The following KLF8 variants were observed in gnomAD, a reference collection of about 807,000 sequenced individuals.
KLF8 encodes the protein KLF transcription factor 8, also known as Krueppel-like factor 8.
A neutral mutation model predicts 18.2 loss-of-function variants in KLF8; 10 were observed. The observed-to-expected ratio is 0.55, with a 90% CI of 0.34 to 0.93. The LOEUF is 0.93. Ranked by LOEUF, KLF8 falls within the 40% of genes least tolerant of loss-of-function variation. The pLI is 0.02. For synonymous variants in KLF8, 109 were observed against 97.3 expected, an observed-to-expected ratio of 1.12 and a Z score of -0.71; for missense variants, 264 against 277.9, an observed-to-expected ratio of 0.95 and a Z score of 0.36.
chrX:56,281,266 A>G (rs1282061875), intron 5 of KLF8, among the ~76,000 whole-genome samples: 1 of 111,388 alleles, frequency 9.0e-6, no homozygotes, highest in Non-Finnish European at 1.9e-5. Flanking sequence ...AGCTGACCCT[A>G]TATGTACCAT....
At chrX:55,942,103 A>T in the KLF8 span, among the ~76,000 whole-genome samples, 3 of 111,602 alleles carry the variant, frequency 2.7e-5, no homozygotes, top group African/African-American at 9.8e-5. Context: ...AATGGCAAAG[A>T]CTTGGAACCA....
the KLF8 span, among the ~76,000 whole-genome samples, chrX:56,197,159 A>G: frequency 1.8e-5 from 2 of 111,483 alleles, no homozygotes. Flanking sequence ...TCTAAATTTG[A>G]CACCCTAACA....
At chrX:56,047,714 C>T in the KLF8 span, among the ~76,000 whole-genome samples, 5 of 110,964 alleles carry the variant, frequency 4.5e-5, no homozygotes, top group African/African-American at 9.9e-5. Context: ...TGAATAGTGC[C>T]GCAGTAAACA....
the KLF8 span, among the ~76,000 whole-genome samples, chrX:55,931,336 A>C: frequency 7.2e-5 from 8 of 111,546 alleles, no homozygotes; most frequent in African/African-American, 2.6e-4. Flanking sequence ...GAATTCATTC[A>C]TTTTTTTGAA....
the KLF8 span, among the ~76,000 whole-genome samples, chrX:56,206,796 C>A: frequency 2.7e-5 from 3 of 112,816 alleles, no homozygotes; most frequent in African/African-American, 6.4e-5. Context: ...CCAGATGGGA[C>A]TCTGTGTGGG....
the KLF8 span, among the ~76,000 whole-genome samples, chrX:56,083,630 C>T: frequency 8.9e-6 from 1 of 111,778 alleles, no homozygotes; most frequent in Non-Finnish European, 1.9e-5. Flanking sequence ...GCAGGAGTCT[C>T]CAACTTCTGG....
the KLF8 span, among the ~76,000 whole-genome samples, chrX:56,091,294 G>A: frequency 2.4e-4 from 26 of 110,168 alleles, no homozygotes; most frequent in Non-Finnish European, 3.4e-4. Flanking sequence ...CTCACCTGCC[G>A]CCGTGTAAGA....
chrX:55,987,019 CAT>C, the KLF8 span, among the ~76,000 whole-genome samples: 1 of 110,793 alleles, frequency 9.0e-6, no homozygotes, highest in African/African-American at 3.3e-5. Context: ...CTTAGTCCAC[CAT>C]TGATGAGCAT....
the KLF8 span, among the ~76,000 whole-genome samples, chrX:56,188,231 C>A: frequency 9.0e-6 from 1 of 111,414 alleles, no homozygotes. Context: ...CAATAACAGA[C>A]AAACAGACAG....
chrX:56,040,027 G>A, the KLF8 span, among the ~76,000 whole-genome samples: 1 of 110,619 alleles, frequency 9.0e-6, no homozygotes, highest in East Asian at 2.8e-4. Flanking sequence ...CTCTCTGCTT[G>A]CCTGTTATTG....
chrX:55,944,595 C>A, the KLF8 span, among the ~76,000 whole-genome samples: 3 of 111,792 alleles, frequency 2.7e-5, no homozygotes, highest in Admixed American at 2.9e-4. Flanking sequence ...TCCATTTCTT[C>A]TAGATTTTCT....
At chrX:56,253,709 T>C (rs1324258408) in intron 2 of KLF8, among the ~76,000 whole-genome samples, 1 of 109,791 alleles carries the variant, frequency 9.1e-6, no homozygotes, top group Non-Finnish European at 1.9e-5. Flanking sequence ...TGGTTTGATA[T>C]AAATTTTCGG....
chrX:56,154,517 G>A, the KLF8 span, among the ~76,000 whole-genome samples: 1 of 111,660 alleles, frequency 9.0e-6, no homozygotes, highest in African/African-American at 3.3e-5. Context: ...GAAAACCTAG[G>A]CATTACCATT....
the KLF8 span, among the ~76,000 whole-genome samples, chrX:56,167,561 G>C: frequency 6.3e-5 from 7 of 111,961 alleles, no homozygotes; most frequent in Non-Finnish European, 1.1e-4. Flanking sequence ...GGCTTCAAGA[G>C]AGCCAACTAG....
At chrX:56,174,585 T>C in the KLF8 span, among the ~76,000 whole-genome samples, 1 of 111,616 alleles carries the variant, frequency 9.0e-6, no homozygotes, top group South Asian at 3.7e-4. Context: ...TGCCAGGCTT[T>C]GGTATCAGGA....
At chrX:55,914,278 C>T in the KLF8 span, among the ~76,000 whole-genome samples, 1 of 111,613 alleles carries the variant, frequency 9.0e-6, no homozygotes, top group Non-Finnish European at 1.9e-5. Context: ...TTTATTTGTT[C>T]AATATATATG....
At chrX:56,188,313 G>A in the KLF8 span, among the ~76,000 whole-genome samples, 2 of 111,357 alleles carry the variant, frequency 1.8e-5, no homozygotes, top group Non-Finnish European at 3.8e-5. Flanking sequence ...CAACTTACAA[G>A]GGATGTGAAG....
the KLF8 span, among the ~76,000 whole-genome samples, chrX:56,210,228 C>A: frequency 2.7e-5 from 3 of 111,718 alleles, no homozygotes; most frequent in Admixed American, 1.9e-4. Context: ...CAGGACAGGT[C>A]TGGTATTCAT....
chrX:56,216,633 C>T, the KLF8 span, among the ~76,000 whole-genome samples: 1 of 110,006 alleles, frequency 9.1e-6, no homozygotes, highest in Non-Finnish European at 1.9e-5. Flanking sequence ...ACCTTGACCT[C>T]CCAAAGTTTT....
Sources: gnomAD v4.1 joint callset for allele counts (sites outside exome capture counted in the v4.1 genomes callset) on GRCh38, gnomAD v4.1.1 for gene constraint, MANE v1.5 for transcripts, NCBI Gene and HGNC (gene_info 2026-07-23, HGNC 2026-07-21) for gene names.